CCDC102B: variants seen among roughly 807,000 people sequenced by gnomAD.
CCDC102B encodes coiled-coil domain-containing protein 102B.
Under a neutral mutation model 57.4 loss-of-function variants are expected in CCDC102B, and 75 were observed. The observed-to-expected ratio is 1.31, with a 90% CI of 1.08 to 1.58. The LOEUF (loss-of-function observed/expected upper bound fraction) is 1.58. Ranked by LOEUF, CCDC102B falls within the 40% of genes most tolerant of loss-of-function variation. The probability of loss-of-function intolerance (pLI) is 0.00; values close to 1 mark genes in which losing one functional copy is unlikely to be tolerated. For synonymous variants in CCDC102B, 206 were observed against 201.9 expected (o/e 1.02, Z -0.17); for missense variants, 636 against 582.6 (o/e 1.09, Z -0.94).
chr18:68,973,817 A>C (rs1348743669), intron 6 of CCDC102B, among the ~76,000 whole-genome samples: 1 of 152,114 alleles, frequency 6.6e-6, no homozygotes, highest in Non-Finnish European at 1.5e-5. Context: ...GAGACTTCAA[A>C]ATATGGCAAA....
chr18:68,816,459 C>CTTT (rs869077830), intron 1 of CCDC102B, among the ~76,000 whole-genome samples: 243 of 100,578 alleles, frequency 2.4e-3, no homozygotes, highest in Non-Finnish European at 2.8e-3. Context: ...TATTTCCTTT[C>CTTT]TTTTTTTTTT....
chr18:68,970,323 A>G (rs1301862289), intron 6 of CCDC102B, among the ~76,000 whole-genome samples: 1 of 152,078 alleles, frequency 6.6e-6, no homozygotes, highest in African/African-American at 2.4e-5. Context: ...AACAAGAACT[A>G]CATTGAATTA....
chr18:68,850,894 A>G (rs2038092755), intron 4 of CCDC102B, among the ~76,000 whole-genome samples: 1 of 151,994 alleles, frequency 6.6e-6, no homozygotes, highest in Non-Finnish European at 1.5e-5. Flanking sequence ...TTTATACATC[A>G]CTTCATTAAA....
chr18:69,034,241 T>A (rs925705251), intron 7 of CCDC102B, among the ~76,000 whole-genome samples: 1 of 152,040 alleles, frequency 6.6e-6, no homozygotes, highest in Non-Finnish European at 1.5e-5. Context: ...TTGTTTATTT[T>A]TTCTCTATTG....
At chr18:68,857,378 A>AATAT (rs1429515562) in intron 4 of CCDC102B, among the ~76,000 whole-genome samples, 3 of 112,822 alleles carry the variant, frequency 2.7e-5, no homozygotes, top group Non-Finnish European at 5.1e-5. Context: ...TCTATATATA[A>AATAT]ATATATATTT....
intron 6 of CCDC102B, among the ~76,000 whole-genome samples, chr18:68,911,211 TAA>T (rs1167302086): frequency 1.3e-5 from 2 of 152,154 alleles, no homozygotes; most frequent in African/African-American, 4.8e-5. Flanking sequence ...GTAAACTGGA[TAA>T]AGAAAATATG....
intron 5 of CCDC102B, among the ~76,000 whole-genome samples, chr18:68,887,786 A>G (rs2039941372): frequency 6.6e-6 from 1 of 152,224 alleles, no homozygotes; most frequent in Non-Finnish European, 1.5e-5. Context: ...CAAAATCAAT[A>G]CATATTTATA....
chr18:68,794,061 T>G (rs2035551217), upstream of CCDC102B, among the ~76,000 whole-genome samples: 1 of 152,192 alleles, frequency 6.6e-6, no homozygotes, highest in African/African-American at 2.4e-5. Flanking sequence ...TCCATTGGCC[T>G]CTAGCTCCCA....
chr18:69,053,996 A>G (rs1011626833), intron 7 of CCDC102B, 34 bp from the exon 8 acceptor site: 1 of 1,564,158 alleles, frequency 6.4e-7, no homozygotes. Context: ...AGAACACTTG[A>G]ACCTAACTAA....
At chr18:68,849,038 A>C (rs1278944040) in intron 4 of CCDC102B, among the ~76,000 whole-genome samples, 1 of 152,110 alleles carries the variant, frequency 6.6e-6, no homozygotes, top group African/African-American at 2.4e-5. Context: ...AGTAGCTTAT[A>C]ATTTATAATA....
At chr18:68,994,422 C>G (rs2050959975) in intron 6 of CCDC102B, among the ~76,000 whole-genome samples, 1 of 151,990 alleles carries the variant, frequency 6.6e-6, no homozygotes, top group African/African-American at 2.4e-5. Context: ...CACTCTCATA[C>G]CCATTGAAAT....
At chr18:68,722,675 C>A (rs2032401177) in intron 2 of CCDC102B, among the ~76,000 whole-genome samples, 1 of 152,112 alleles carries the variant, frequency 6.6e-6, no homozygotes, top group African/African-American at 2.4e-5. Flanking sequence ...GAAAAAGGAA[C>A]AAATGGGCAG....
At chr18:68,932,347 C>T (rs1238860457) in intron 6 of CCDC102B, among the ~76,000 whole-genome samples, 1 of 151,740 alleles carries the variant, frequency 6.6e-6, no homozygotes, top group African/African-American at 2.4e-5. Context: ...AAAAATTTCT[C>T]TTTGAACTAT....
chr18:68,989,676 G>A lies in CCDC102B; in HGVS notation c.1264-21258G>A, dbSNP rs1389425846. On this transcript the variant is annotated intron_variant, in intron 6 of 7. Transcript: ENST00000360242. Reference sequence around the variant, plus strand: ...ACTTGTTCCCACGCCAGGCTACCACGTTGTCTCTCTTGCCTGTGAGAGTGC... The same window carrying A: ...ACTTGTTCCCACGCCAGGCTACCACATTGTCTCTCTTGCCTGTGAGAGTGC... Among the ~76,000 whole-genome samples, 7 of 152,322 alleles carry A rather than the reference G, an allele frequency of 4.6e-5. No homozygotes were observed. In the East Asian group the frequency reaches 9.7e-4, roughly 21 times the overall value.
chr18:68,995,898 C>T (rs959019359), intron 6 of CCDC102B, among the ~76,000 whole-genome samples: 6 of 152,130 alleles, frequency 3.9e-5, no homozygotes, highest in Admixed American at 6.5e-5. Context: ...TGAAAGCAGC[C>T]GCAATGGGGC....
intron 6 of CCDC102B, among the ~76,000 whole-genome samples, chr18:68,922,408 C>A (rs1417370355): frequency 6.6e-6 from 1 of 152,094 alleles, no homozygotes; most frequent in Non-Finnish European, 1.5e-5. Context: ...TTTGTTTAGG[C>A]CTCAAGAACA....
At chr18:68,835,853 A>AT (rs1240057769) in intron 1 of CCDC102B, among the ~76,000 whole-genome samples, 1 of 152,076 alleles carries the variant, frequency 6.6e-6, no homozygotes, top group East Asian at 1.9e-4. Flanking sequence ...ATGTTCTCAT[A>AT]TTTTTCTAGA....
chr18:68,731,152 A>G (rs1388089339), intron 2 of CCDC102B, among the ~76,000 whole-genome samples: 1 of 151,788 alleles, frequency 6.6e-6, no homozygotes, highest in African/African-American at 2.4e-5. Flanking sequence ...ACCCCGGCTA[A>G]TTTTTGTATT....
chr18:68,842,719 C>T (rs1044201543), intron 3 of CCDC102B, among the ~76,000 whole-genome samples: 11 of 152,102 alleles, frequency 7.2e-5, no homozygotes, highest in African/African-American at 1.4e-4. Flanking sequence ...CTTGAGGTCC[C>T]GCTGTGATGT....
Sources: gnomAD v4.1 joint callset for allele counts (sites outside exome capture counted in the v4.1 genomes callset) on GRCh38, gnomAD v4.1.1 for gene constraint, MANE v1.5 for transcripts, NCBI Gene and HGNC (gene_info 2026-07-23, HGNC 2026-07-21) for gene names.